Variants in CHN2 observed in about 807,000 individuals in gnomAD.
The protein encoded by CHN2 is beta-chimaerin.
In CHN2, 35 loss-of-function variants were observed where a neutral mutation model predicts 56.3. The ratio of observed to expected loss-of-function variants is 0.62; its 90% confidence interval spans 0.47 to 0.82. The LOEUF (loss-of-function observed/expected upper bound fraction) is 0.82, where lower values mean the gene tolerates loss of function less well. CHN2 is among the 40% of genes least tolerant of loss of function. The probability of loss-of-function intolerance (pLI) is 0.00; values close to 1 mark genes in which losing one functional copy is unlikely to be tolerated. For missense variants in CHN2, 491 were observed against 580.5 expected, an observed-to-expected ratio of 0.85 and a Z score of 1.58; for synonymous variants, 210 against 212.8, an observed-to-expected ratio of 0.99 and a Z score of 0.12.
intron 6 of CHN2, among the ~76,000 whole-genome samples, chr7:29,435,894 C>CTTTTTTTTTT (rs57786505): frequency 2.1e-4 from 29 of 137,388 alleles, no homozygotes; most frequent in African/African-American, 2.9e-4. Context: ...GAAGCGCCTC[C>CTTTTTTTTTT]TTTTTTTTTT....
chr7:29,282,930 G>C (rs1047200104), intron 1 of CHN2, among the ~76,000 whole-genome samples: 1 of 152,196 alleles, frequency 6.6e-6, no homozygotes, highest in African/African-American at 2.4e-5. Context: ...AATGAAAACA[G>C]AGAAAAGGAA....
chr7:29,304,062 GA>G (rs5883200), intron 1 of CHN2, among the ~76,000 whole-genome samples: 65,873 of 148,724 alleles, frequency 0.44, 15,327 homozygotes, highest in African/African-American at 0.61. Context: ...ATCATCTCAA[GA>G]AAAAAAAAAA....
chr7:29,316,827 T>G (rs557324163), intron 1 of CHN2, among the ~76,000 whole-genome samples: 1 of 152,234 alleles, frequency 6.6e-6, no homozygotes, highest in African/African-American at 2.4e-5. Flanking sequence ...ATAGTCTCCT[T>G]TTTTGGAGGG....
chr7:29,324,220 A>G (rs1470506564), intron 1 of CHN2, among the ~76,000 whole-genome samples: 1 of 152,148 alleles, frequency 6.6e-6, no homozygotes, highest in Non-Finnish European at 1.5e-5. Context: ...TATTTGCAGG[A>G]GTAGTTGAAG....
At chr7:29,227,555 G>A (rs1786307959) in intron 1 of CHN2, among the ~76,000 whole-genome samples, 1 of 152,198 alleles carries the variant, frequency 6.6e-6, no homozygotes, top group Non-Finnish European at 1.5e-5. Context: ...AGAAAGGGAA[G>A]ATGACCTCAT....
At chr7:29,490,239 C>T (rs1311705357) in intron 7 of CHN2, among the ~76,000 whole-genome samples, 1 of 151,968 alleles carries the variant, frequency 6.6e-6, no homozygotes, top group Non-Finnish European at 1.5e-5. Context: ...CATCTGCTCT[C>T]CAGTCAACAC....
At chr7:29,482,274 A>G (rs1214141298) in intron 7 of CHN2, among the ~76,000 whole-genome samples, 1 of 152,176 alleles carries the variant, frequency 6.6e-6, no homozygotes, top group Non-Finnish European at 1.5e-5. Context: ...CATCTTTGAA[A>G]CTTAGCAGAC....
intron 1 of CHN2, among the ~76,000 whole-genome samples, chr7:29,291,328 G>A (rs1303080896): frequency 5.9e-5 from 9 of 152,058 alleles, no homozygotes; most frequent in Admixed American, 5.9e-4. Context: ...TTATTTAAGA[G>A]ACAGATTAAC....
At chr7:29,316,964 A>G (rs1025694147) in intron 1 of CHN2, among the ~76,000 whole-genome samples, 3 of 152,196 alleles carry the variant, frequency 2.0e-5, no homozygotes, top group Non-Finnish European at 2.9e-5. Flanking sequence ...GTTTCGATTT[A>G]GTCATTGTAC....
chr7:29,497,091 C>T (rs10085463), intron 8 of CHN2, among the ~76,000 whole-genome samples: 30,461 of 152,112 alleles, frequency 0.2, 3,230 homozygotes, highest in African/African-American at 0.25. Flanking sequence ...CACCAATCAC[C>T]GGTGTTGATA....
At chr7:29,396,405 G>C (rs1408506764) in intron 4 of CHN2, among the ~76,000 whole-genome samples, 1 of 143,734 alleles carries the variant, frequency 7.0e-6, no homozygotes, top group East Asian at 2.1e-4. Flanking sequence ...TGCAGTGAGC[G>C]AGCTGAGATC....
At chr7:29,482,797 CTTTT>C (rs375120538) in intron 7 of CHN2, among the ~76,000 whole-genome samples, 32 of 64,214 alleles carry the variant, frequency 5.0e-4, no homozygotes, top group Non-Finnish European at 6.7e-4. Context: ...GCACTTTTTT[CTTTT>C]TTTTTTTTTT....
At chr7:29,286,186 C>T (rs13231263) in intron 1 of CHN2, among the ~76,000 whole-genome samples, 1 of 150,950 alleles carries the variant, frequency 6.6e-6, no homozygotes, top group African/African-American at 2.4e-5. Flanking sequence ...TTCCCCCCCG[C>T]CCCCCATGAT....
At chr7:29,263,324 T>C (rs1419538477) in intron 1 of CHN2, among the ~76,000 whole-genome samples, 1 of 152,172 alleles carries the variant, frequency 6.6e-6, no homozygotes, top group Non-Finnish European at 1.5e-5. Flanking sequence ...TCTCGCTCAC[T>C]CAGTGCTCAA....
chr7:29,425,021 GCAGTGGATGTTGGTGACTCACA>G (rs1554291391), intron 6 of CHN2, among the ~76,000 whole-genome samples: 1 of 152,238 alleles, frequency 6.6e-6, no homozygotes, highest in Non-Finnish European at 1.5e-5. Context: ...GATTTGACAA[GCAGTGGATGTTGGTGACTCACA>G]CACTGTTGAT....
intron 6 of CHN2, among the ~76,000 whole-genome samples, chr7:29,402,007 C>T (rs1484856045): frequency 3.9e-5 from 5 of 128,284 alleles, no homozygotes; most frequent in African/African-American, 1.3e-4. Flanking sequence ...TAGAAATAAG[C>T]GGATAGGAGC....
chr7:29,221,347 TA>T (rs377563120), intron 1 of CHN2, among the ~76,000 whole-genome samples: 1 of 152,064 alleles, frequency 6.6e-6, no homozygotes, highest in East Asian at 1.9e-4. Flanking sequence ...AAGGTCAGTG[TA>T]AAAAAAATCA....
Position 29,390,784 on chromosome 7 carries a change from G to C in CHN2, c.145-2895G>C, listed in dbSNP as rs114604049. ...AGGGAGTGAGTCAGGCTTCTCTAAG[G>C]CACTGCTGGGGGCACAGCACGGAGG... is the stretch of plus-strand genomic sequence containing the variant. On this transcript the variant is annotated intron_variant, in intron 3 of 12. Transcript: ENST00000222792. Among the ~76,000 whole-genome samples, 499 of 152,236 alleles carry C rather than the reference G, an allele frequency of 3.3e-3. 5 individuals carry two copies. Among genetic ancestry groups the C allele is most frequent in the African/African-American group, 0.011 (463 of 41,550 alleles).
At chr7:29,483,758 G>A in intron 7 of CHN2, 2 of 1,082,416 alleles carry the variant, frequency 1.8e-6, no homozygotes, top group Non-Finnish European at 1.2e-6. Context: ...AAATCTTCAG[G>A]CCAGCCAACC....
Sources: gnomAD v4.1 joint callset for allele counts (sites outside exome capture counted in the v4.1 genomes callset) on GRCh38, gnomAD v4.1.1 for gene constraint, MANE v1.5 for transcripts, NCBI Gene and HGNC (gene_info 2026-07-23, HGNC 2026-07-21) for gene names.